Variants in EGFLAM observed in about 807,000 individuals in gnomAD.
EGFLAM encodes pikachurin.
Under a neutral mutation model 113.1 loss-of-function variants are expected in EGFLAM, and 79 were observed. The observed-to-expected ratio is 0.70, with a 90% CI of 0.58 to 0.84. The LOEUF (loss-of-function observed/expected upper bound fraction) is 0.84. EGFLAM is among the 40% of genes least tolerant of loss of function. The pLI, the probability that EGFLAM is intolerant of heterozygous loss-of-function variation, is 0.00. For missense variants in EGFLAM, 1,265 were observed against 1,291.6 expected, an observed-to-expected ratio of 0.98 and a Z score of 0.32; for synonymous variants, 504 against 487.6, an observed-to-expected ratio of 1.03 and a Z score of -0.44.
intron 1 of EGFLAM, among the ~76,000 whole-genome samples, chr5:38,287,961 GA>G (rs1758208905): frequency 6.6e-6 from 1 of 152,184 alleles, no homozygotes; most frequent in African/African-American, 2.4e-5. Flanking sequence ...TAATTTCTCT[GA>G]AACCCATTAA....
intron 1 of EGFLAM, among the ~76,000 whole-genome samples, chr5:38,278,277 A>G (rs910814961): frequency 1.2e-4 from 19 of 152,174 alleles, no homozygotes; most frequent in African/African-American, 4.1e-4. Flanking sequence ...AGTGGTAAGA[A>G]CACTCATTAG....
At chr5:38,296,823 A>G (rs2111812006) in intron 1 of EGFLAM, among the ~76,000 whole-genome samples, 1 of 152,242 alleles carries the variant, frequency 6.6e-6, no homozygotes, top group South Asian at 2.1e-4. Flanking sequence ...TAGGATTAAC[A>G]TCACCAGTAA....
intron 3 of EGFLAM, among the ~76,000 whole-genome samples, chr5:38,347,435 G>T (rs1468503775): frequency 6.6e-6 from 1 of 152,168 alleles, no homozygotes; most frequent in East Asian, 1.9e-4. Context: ...GCATTGCTCA[G>T]ATTGGGGTGC....
Position 38,412,434 on chromosome 5 carries a change from G to A in EGFLAM, c.1350-70G>A, listed in dbSNP as rs543580698. On this transcript the variant is annotated intron_variant, in intron 10 of 21. Coordinates refer to ENST00000322350, the MANE Select transcript of EGFLAM (RefSeq NM_152403.4). Reference sequence around the variant, plus strand: ...AGGGAGCTGTTGACCTGGAAGTGACGTCCACGGAATCTGAAAACATAATGG... The same window carrying A: ...AGGGAGCTGTTGACCTGGAAGTGACATCCACGGAATCTGAAAACATAATGG... The A allele has an allele frequency of 2.7e-5, 44 of 1,610,950 alleles. No homozygotes were observed. In the South Asian group the frequency reaches 3.1e-4, roughly 11 times the overall value.
chr5:38,428,512 C>A (rs1040993235), intron 14 of EGFLAM, among the ~76,000 whole-genome samples: 1 of 152,216 alleles, frequency 6.6e-6, no homozygotes, highest in African/African-American at 2.4e-5. Flanking sequence ...TATGATTATG[C>A]AAAATAGCCT....
intron 1 of EGFLAM, among the ~76,000 whole-genome samples, chr5:38,284,292 G>T (rs116394736): frequency 0.01 from 1,548 of 152,284 alleles, 28 homozygotes; most frequent in African/African-American, 0.036. Context: ...GTATAGAATG[G>T]ATTCTTTAGA....
intron 3 of EGFLAM, among the ~76,000 whole-genome samples, chr5:38,347,343 C>T (rs1739497879): frequency 6.6e-6 from 1 of 152,024 alleles, no homozygotes; most frequent in African/African-American, 2.4e-5. Context: ...TTTGGGATGC[C>T]AGGGGAATAA....
chr5:38,267,859 G>A (rs1757671193), intron 1 of EGFLAM, among the ~76,000 whole-genome samples: 1 of 152,180 alleles, frequency 6.6e-6, no homozygotes, highest in African/African-American at 2.4e-5. Context: ...TCACGCTAGA[G>A]GGTTCATTAA....
intron 1 of EGFLAM, chr5:38,282,518 C>T (rs186974087): frequency 4.6e-5 from 7 of 152,230 alleles, no homozygotes; most frequent in Admixed American, 4.6e-4. Context: ...GGTGTTAATT[C>T]CCTGGCACTT....
At position 38,337,613 on chromosome 5, in the gene EGFLAM, C is replaced by G; in HGVS notation, c.191C>G (p.Pro64Arg). ...AAAATGCCAAGGCATCCTGGAAGTCCCATCCTTGGGTACACTGTGAGTACA... is the reference window on the plus strand; with the variant it reads ...AAAATGCCAAGGCATCCTGGAAGTCGCATCCTTGGGTACACTGTGAGTACA... The part of the protein sequence containing the change: ...QWKMPRHPGS[P>R]ILGYTVFYSE... The change falls in exon 2 of 22, where the codon CCC becomes CGC. Residue 64 changes from proline (P) to arginine (R), a missense_variant. Pro to Arg is a moderately radical substitution (Grantham distance 103). Coordinates refer to ENST00000322350, the MANE Select transcript of EGFLAM (RefSeq NM_152403.4). 1 of 1,601,534 alleles carries G rather than the reference C, an allele frequency of 6.2e-7. No homozygotes were observed. Among genetic ancestry groups the G allele is most frequent in the Non-Finnish European group, 8.5e-7 (1 of 1,172,982 alleles).
intron 6 of EGFLAM, among the ~76,000 whole-genome samples, chr5:38,383,152 C>A (rs996811463): frequency 1.3e-5 from 2 of 152,162 alleles, no homozygotes; most frequent in African/African-American, 2.4e-5. Context: ...AAAGTCCCAA[C>A]CAACATGGGA....
At position 38,415,374 on chromosome 5, in the gene EGFLAM, A is replaced by AC. The variant is rs1741609787; in HGVS notation, c.1495-2692_1495-2691insC. Among the ~76,000 whole-genome samples the AC allele has an allele frequency of 2.8e-5, 4 of 143,824 alleles. No individual in the cohort carries two copies. The South Asian group carries it at 8.9e-4, about 32-fold the overall frequency. The allele number at this position is 143,824 out of a possible 152,430, so 94.4% of individuals were successfully genotyped here. ...CAAGACTCCATCTCAAAAAAAAAAA[A>AC]AGAAAAGAATTAAGAATTAATTTGA... On this transcript the variant is annotated intron_variant, in intron 11 of 21. Transcript: ENST00000322350.
chr5:38,341,684 A>T (rs946725226), intron 3 of EGFLAM, among the ~76,000 whole-genome samples: 1 of 152,230 alleles, frequency 6.6e-6, no homozygotes, highest in African/African-American at 2.4e-5. Flanking sequence ...GAACTCTACT[A>T]TATCATATCA....
intron 6 of EGFLAM, among the ~76,000 whole-genome samples, chr5:38,382,981 G>T (rs907874424): frequency 1.3e-5 from 2 of 152,170 alleles, no homozygotes; most frequent in Non-Finnish European, 2.9e-5. Context: ...AGCCACAGCT[G>T]CTCAGGAGGA....
In EGFLAM at chr5:38,406,828, G is replaced by A. The variant is rs1741300981; in HGVS notation, c.829G>A (p.Val277Ile). The A allele has an allele frequency of 1.2e-6, 2 of 1,613,132 alleles. No homozygotes were observed. Among genetic ancestry groups the A allele is most frequent in the South Asian group, 2.2e-5 (2 of 91,020 alleles). The change falls in exon 8 of 22, where the codon GTT (valine) becomes ATT (isoleucine). Residue 277 changes from valine (V) to isoleucine (I), a missense_variant and splice_region_variant. Physicochemically the swap from Val to Ile is conservative, Grantham distance 29. Coordinates refer to ENST00000322350, the MANE Select transcript of EGFLAM (RefSeq NM_152403.4). ...AACCCCTTTCCTTCTCTGGCTTTAGGTTAAACCACTTCCTGCTACCAAAGG... is the reference window on the plus strand; with the variant it reads ...AACCCCTTTCCTTCTCTGGCTTTAGATTAAACCACTTCCTGCTACCAAAGG... The part of the protein sequence containing the change: ...DLDLDISFEE[V>I]KPLPATKGGN...
At chr5:38,368,475 A>G (rs1457997711) in intron 5 of EGFLAM, among the ~76,000 whole-genome samples, 7 of 152,172 alleles carry the variant, frequency 4.6e-5, no homozygotes. Flanking sequence ...GCTTTCAATC[A>G]TTCCTGCTAA....
At chr5:38,338,533 C>T (rs1271373572) in intron 2 of EGFLAM, among the ~76,000 whole-genome samples, 165 bp from the exon 3 acceptor site, 2 of 152,102 alleles carry the variant, frequency 1.3e-5, no homozygotes, top group Non-Finnish European at 2.9e-5. Context: ...TTTGCAACAC[C>T]CCCCACCCAA....
intron 1 of EGFLAM, among the ~76,000 whole-genome samples, chr5:38,272,758 ATG>A (rs148444332): frequency 1.5e-4 from 23 of 150,720 alleles, no homozygotes; most frequent in African/African-American, 3.6e-4. Context: ...AGGTGTGTGT[ATG>A]TGTGTGTGTG....
chr5:38,343,062 C>G (rs1206870453), intron 3 of EGFLAM, among the ~76,000 whole-genome samples: 1 of 152,060 alleles, frequency 6.6e-6, no homozygotes, highest in Non-Finnish European at 1.5e-5. Flanking sequence ...GCAAGGGTGA[C>G]CAGGGGCGAA....
Sources: gnomAD v4.1 joint callset for allele counts (sites outside exome capture counted in the v4.1 genomes callset) on GRCh38, gnomAD v4.1.1 for gene constraint, MANE v1.5 for transcripts, NCBI Gene and HGNC (gene_info 2026-07-23, HGNC 2026-07-21) for gene names.